The following CD4 variants were observed in gnomAD, a reference collection of about 807,000 sequenced individuals.
The protein encoded by CD4 is CD4 molecule, also known as T-cell surface glycoprotein CD4.
A neutral mutation model predicts 50.5 loss-of-function variants in CD4; 25 were observed. The ratio of observed to expected loss-of-function variants is 0.49; its 90% CI spans 0.36 to 0.69. The LOEUF is 0.69. Among genes scored for constraint, CD4 ranks in the 30% least tolerant of loss-of-function variants. CD4 has a pLI of 0.00. For synonymous variants in CD4, 207 were observed against 221.9 expected (o/e 0.93, Z 0.60); for missense variants, 456 against 548.5 (o/e 0.83, Z 1.68).
At chr12:6,794,597 C>T (rs547680412) in intron 1 of CD4, among the ~76,000 whole-genome samples, 90 of 152,136 alleles carry the variant, frequency 5.9e-4, no homozygotes, top group Middle Eastern at 3.4e-3. Flanking sequence ...GTCTCGTACT[C>T]CCGACCTCAG....
Position 6,818,852 on chromosome 12 carries a change from A to G in CD4, c.1284A>G (p.Gln428=). 6.2e-7 allele frequency: 1 copy of G among 1,613,130 alleles called. No homozygotes were observed. The highest frequency in any genetic ancestry group is 1.3e-5 in the African/African-American group (1 of 74,924). ...FCVRCRHRRR[Q]AERMSQIKRL... is the part of the protein sequence containing the mutation. ...CCTTTCTTGTCCCTGGACAGCGCCA[A>G]GCAGAGCGGATGTCTCAGATCAAGA... The change falls in exon 9 of 10, where the codon CAA becomes CAG. Residue 428 remains glutamine (Q), a synonymous_variant. Coordinates refer to ENST00000011653, the MANE Select transcript of CD4 (RefSeq NM_000616.5). The surrounding 1 kb of genome is among the most constrained non-coding windows in gnomAD (Gnocchi z 5.0).
intron 1 of CD4, among the ~76,000 whole-genome samples, chr12:6,793,970 A>ATCTATATC (rs1555114029): frequency 2.1e-4 from 28 of 133,850 alleles, no homozygotes; most frequent in Non-Finnish European, 3.0e-4. Context: ...CTATCTATCT[A>ATCTATATC]TATCTATCTA....
chr12:6,791,246 TTTA>T (rs1318270499), intron 1 of CD4, among the ~76,000 whole-genome samples: 1 of 152,168 alleles, frequency 6.6e-6, no homozygotes, highest in East Asian at 1.9e-4. Context: ...CGTTTTATTT[TTTA>T]TTATTATTTT....
intron 2 of CD4, 23 bp from the exon 3 acceptor site, chr12:6,800,284 T>G: frequency 6.2e-7 from 1 of 1,613,552 alleles, no homozygotes; most frequent in South Asian, 1.1e-5. Context: ...CATTGAGACC[T>G]GACTCCTTTC....
At chr12:6,797,547 C>A (rs909426341) in intron 1 of CD4, among the ~76,000 whole-genome samples, 2 of 152,048 alleles carry the variant, frequency 1.3e-5, no homozygotes, top group Non-Finnish European at 2.9e-5. Context: ...GGACCTGCAC[C>A]GGTGCTGGTC....
In CD4 at chr12:6,818,439, C is replaced by A. The variant is rs782403764; in HGVS notation, c.1175C>A (p.Thr392Asn). ...CTTGCAGTTCTGCCCACATGGTCCA[C>A]CCCGGTGCAGCCAATGGCCCTGATT... ...SNIKVLPTWS[T>N]PVQPMALIVL... The change falls in exon 8 of 10, where the codon ACC becomes AAC. Residue 392 changes from threonine (T) to asparagine (N), a missense_variant. Physicochemically the swap from Thr to Asn is moderately conservative, Grantham distance 65. Transcript: ENST00000011653. The surrounding 1 kb of genome is among the most constrained non-coding windows in gnomAD (Gnocchi z 5.0). The A allele has an allele frequency of 6.2e-7, 1 of 1,612,694 alleles. No homozygotes were observed.
At chr12:6,803,299 C>T (rs1250425048) in intron 3 of CD4, among the ~76,000 whole-genome samples, 1 of 151,894 alleles carries the variant, frequency 6.6e-6, no homozygotes, top group African/African-American at 2.4e-5. Flanking sequence ...TACAGGTGTG[C>T]ACCACCATGT....
chr12:6,794,775 GTT>G (rs763211966), intron 1 of CD4, among the ~76,000 whole-genome samples: 4 of 112,554 alleles, frequency 3.6e-5, no homozygotes, highest in Non-Finnish European at 7.2e-5. Flanking sequence ...CTGTATGTCT[GTT>G]TTTTTTTTGT....
chr12:6,795,938 G>A (rs539557603), intron 1 of CD4, among the ~76,000 whole-genome samples: 196 of 152,346 alleles, frequency 1.3e-3, no homozygotes, highest in Admixed American at 2.5e-3. Context: ...AGAGTGGCTG[G>A]CAGGGCCCCG....
chr12:6,814,141 G>C lies in CD4; in HGVS notation c.215-1G>C. ...CCCCCCCATATGTCTTCTGCTCCCA[G>C]GTCCATCCAAGCTGAATGATCGCGC... On this transcript the variant is annotated splice_acceptor_variant, in intron 3 of 9. Transcript: ENST00000011653. LOFTEE classifies it high-confidence loss of function. 6.2e-7 allele frequency: 1 copy of C among 1,613,596 alleles called. No individual in the cohort carries two copies. The highest frequency in any genetic ancestry group is 8.5e-7 in the Non-Finnish European group (1 of 1,179,762).
chr12:6,800,929 A>G (rs1049028185), intron 3 of CD4, among the ~76,000 whole-genome samples: 10 of 151,680 alleles, frequency 6.6e-5, no homozygotes, highest in Non-Finnish European at 1.3e-4. Context: ...TTTTGGAGAC[A>G]AGGTCTAGTT....
chr12:6,815,762 C>T, intron 5 of CD4: 2 of 1,407,124 alleles, frequency 1.4e-6, no homozygotes, highest in Non-Finnish European at 1.9e-6. Flanking sequence ...GAGTGGAGGC[C>T]AAATGGCTTC....
At chr12:6,800,535 C>G (rs1175336160) in intron 3 of CD4, 64 bp downstream of exon 3, 1 of 1,414,532 alleles carries the variant, frequency 7.1e-7, no homozygotes, top group Admixed American at 2.1e-5. Flanking sequence ...CCTTTGGTGT[C>G]TGAGATCTGG....
chr12:6,799,663 T>G, intron 1 of CD4: 1 of 155,880 alleles, frequency 6.4e-6, no homozygotes, highest in Non-Finnish European at 1.4e-5. Context: ...GTATTTTTAG[T>G]AGAGATGGGG....
chr12:6,818,997 A>AG lies in CD4; in HGVS notation c.1346+89dup, dbSNP rs1233538586. ...AGAGGAGGGGGAGGAAGGGGAGCAA[A>AG]GGGGGGCAGGAAGGGAGGATGGAGA... On this transcript the variant is annotated intron_variant, in intron 9 of 9. Coordinates refer to ENST00000011653, the MANE Select transcript of CD4 (RefSeq NM_000616.5). This position sits in a 1 kb window ranked among gnomAD's most constrained non-coding sequence, Gnocchi z 5.0. 14 of 474,574 alleles carry AG rather than the reference A, an allele frequency of 3.0e-5. No homozygotes were observed. Among genetic ancestry groups the AG allele is most frequent in the Non-Finnish European group, 4.7e-5 (12 of 255,884 alleles). 29.4% of individuals were successfully genotyped at this position (474,574 alleles called of 1,614,324 possible).
At position 6,814,883 on chromosome 12, in the gene CD4, G is replaced by T. The variant is rs267603648; in HGVS notation, c.498G>T (p.Gly166=). ...RSPRGKNIQG[G]KTLSVSQLEL... is the part of the protein sequence containing the mutation. ...CAAGGGGTAAAAACATACAGGGGGG[G>T]AAGACCCTCTCCGTGTCTCAGCTGG... The change falls in exon 5 of 10, where the codon GGG becomes GGT. Residue 166 remains glycine (G), a synonymous_variant. Transcript: ENST00000011653. 1 of 1,613,380 alleles carries T rather than the reference G, an allele frequency of 6.2e-7. No individual in the cohort carries two copies. Among genetic ancestry groups the T allele is most frequent in the African/African-American group, 1.3e-5 (1 of 74,840 alleles).
chr12:6,790,526 C>T (rs532735530), intron 1 of CD4, among the ~76,000 whole-genome samples: 54 of 152,272 alleles, frequency 3.5e-4, no homozygotes, highest in African/African-American at 1.2e-3. Context: ...ATTTAAGAAA[C>T]GGATTCGAAA....
At chr12:6,793,293 A>T (rs1942225825) in intron 1 of CD4, among the ~76,000 whole-genome samples, 1 of 152,110 alleles carries the variant, frequency 6.6e-6, no homozygotes, top group East Asian at 1.9e-4. Flanking sequence ...CAGCCACCAT[A>T]TGGGGAAGGG....
chr12:6,807,993 T>C (rs1424673301), intron 3 of CD4, among the ~76,000 whole-genome samples: 2 of 146,600 alleles, frequency 1.4e-5, no homozygotes, highest in African/African-American at 2.6e-5. Context: ...GGCAGGAGAA[T>C]TGCTTGAACC....
Sources: allele counts gnomAD v4.1 joint callset (sites outside exome capture counted in the v4.1 genomes callset), GRCh38; gene constraint gnomAD v4.1.1; non-coding constraint Gnocchi (gnomAD v3.1); transcripts MANE v1.5; gene names NCBI Gene and HGNC (gene_info 2026-07-23, HGNC 2026-07-21).